Variants in RMDN1 observed in about 807,000 individuals in gnomAD.
RMDN1 encodes the protein regulator of microtubule dynamics protein 1.
RMDN1 carries 48 observed loss-of-function variants against 48.9 expected under a neutral mutation model. That is an observed-to-expected ratio of 0.98 (90% CI 0.78 to 1.25). The LOEUF (loss-of-function observed/expected upper bound fraction) is 1.25. Among genes scored for constraint, RMDN1 ranks in the 50% most tolerant of loss-of-function variants. The probability of loss-of-function intolerance (pLI) is 0.00; values close to 1 mark genes in which losing one functional copy is unlikely to be tolerated. For synonymous variants in RMDN1, 148 were observed against 132.6 expected (o/e 1.12, Z -0.80); for missense variants, 418 against 373.4 (o/e 1.12, Z -0.98).
At chr8:86,489,842 G>T (rs568345625) in intron 2 of RMDN1, among the ~76,000 whole-genome samples, 5 of 137,360 alleles carry the variant, frequency 3.6e-5, no homozygotes, top group South Asian at 2.4e-4. Flanking sequence ...AAAAAAAAAG[G>T]GGGGGGATGG....
intron 2 of RMDN1, chr8:86,504,124 G>A (rs1289629388): frequency 7.7e-6 from 9 of 1,174,292 alleles, no homozygotes; most frequent in Non-Finnish European, 1.2e-5. Flanking sequence ...CCTTGGGTCT[G>A]AAGAGCTATG....
chr8:86,481,560 C>CT (rs71275857), intron 5 of RMDN1, among the ~76,000 whole-genome samples: 1,308 of 104,408 alleles, frequency 0.013, 10 homozygotes, highest in African/African-American at 0.024. Context: ...ATTAATTTTC[C>CT]TTTTTTTTTT....
intron 2 of RMDN1, among the ~76,000 whole-genome samples, chr8:86,495,336 G>A (rs767663721): frequency 4.5e-4 from 68 of 152,260 alleles, no homozygotes; most frequent in Non-Finnish European, 7.5e-4. Context: ...CTAGCTGCAG[G>A]AGACCCTAAG....
At chr8:86,504,692 G>A (rs1217662583) in intron 2 of RMDN1, 1 of 884,876 alleles carries the variant, frequency 1.1e-6, no homozygotes. Flanking sequence ...GGGCTATCTT[G>A]GTCTTTGTGG....
Position 86,503,650 on chromosome 8 carries a change from C to G in RMDN1, c.247+3345G>C, listed in dbSNP as rs779113641. On this transcript the variant is annotated intron_variant, in intron 2 of 9. Coordinates refer to ENST00000406452, the MANE Select transcript of RMDN1 (RefSeq NM_016033.3). ...CTACAATTGGCTCTTTCCAAGTTGGCTACAACACGGGAGTCATCAGTGCTC... is the reference window on the plus strand; with the variant it reads ...CTACAATTGGCTCTTTCCAAGTTGGGTACAACACGGGAGTCATCAGTGCTC... The G allele has an allele frequency of 5.8e-5, 29 of 496,366 alleles. 1 individual carries two copies. The highest frequency in any genetic ancestry group is 1.1e-4 in the Non-Finnish European group (28 of 245,210). The allele number at this position is 496,366 out of a possible 1,614,324, so 30.7% of individuals were successfully genotyped here.
At chr8:86,488,960 A>C (rs1487577245) in intron 2 of RMDN1, among the ~76,000 whole-genome samples, 1 of 152,052 alleles carries the variant, frequency 6.6e-6, no homozygotes, top group Non-Finnish European at 1.5e-5. Context: ...AATTCCAAAA[A>C]CTCTCATAAT....
At position 86,480,283 on chromosome 8, in the gene RMDN1, C is replaced by A. The variant is rs747248422; in HGVS notation, c.635G>T (p.Gly212Val). 84 of 1,527,094 alleles carry A rather than the reference C, an allele frequency of 5.5e-5. No homozygotes were observed. The highest frequency in any genetic ancestry group is 1.8e-6 in the Non-Finnish European group (2 of 1,120,458). 94.6% of individuals were successfully genotyped at this position (1,527,094 alleles called of 1,614,324 possible). Residue 212 changes from glycine (G) to valine (V), a missense_variant, in exon 6 of 10, where the codon GGT becomes GTT. Coordinates refer to ENST00000406452, the MANE Select transcript of RMDN1 (RefSeq NM_016033.3). ...TTTAAAGAAATTTTCTTACCAAATA[C>A]CCATAAGGTGAATTGAAGTAGCATC... Reference protein sequence around the residue: ...PKDATSIHLMGIWCYTFAEMP... With the variant: ...PKDATSIHLMVIWCYTFAEMP...
At chr8:86,510,107 ATTG>A (rs1490291301), upstream of RMDN1, among the ~76,000 whole-genome samples, 2 of 152,178 alleles carry the variant, frequency 1.3e-5, no homozygotes, top group African/African-American at 4.8e-5. Context: ...AGATTCAGCC[ATTG>A]TTACCTTTTT....
At chr8:86,477,552 C>A (rs189800662) in intron 7 of RMDN1, 20 of 394,234 alleles carry the variant, frequency 5.1e-5, no homozygotes, top group Non-Finnish European at 8.7e-5. Flanking sequence ...AACTTGGTTG[C>A]TGTTTAGAAC....
intron 2 of RMDN1, chr8:86,504,311 A>C: frequency 6.3e-7 from 1 of 1,579,932 alleles, no homozygotes. Context: ...CAGGAGATGC[A>C]AGATGAGAGT....
At chr8:86,482,693 AG>A in intron 5 of RMDN1, 5 of 969,538 alleles carry the variant, frequency 5.2e-6, no homozygotes, top group Non-Finnish European at 8.4e-6. Flanking sequence ...TTCATGATCA[AG>A]GGGACCCCAG....
chr8:86,487,981 A>G (rs575571638), intron 3 of RMDN1, among the ~76,000 whole-genome samples: 424 of 83,976 alleles, frequency 5.0e-3, no homozygotes, highest in African/African-American at 0.014. Context: ...CTATTTAGCC[A>G]TATGACTTAC....
At chr8:86,482,832 G>A in intron 5 of RMDN1, 1 of 1,115,230 alleles carries the variant, frequency 9.0e-7, no homozygotes, top group Non-Finnish European at 1.4e-6. Context: ...CCTTTGGGGA[G>A]GTCACTGCGA....
intron 2 of RMDN1, among the ~76,000 whole-genome samples, chr8:86,505,647 AT>A (rs1426133131): frequency 2.0e-5 from 3 of 152,184 alleles, no homozygotes; most frequent in Non-Finnish European, 4.4e-5. Flanking sequence ...GGAAATGTTT[AT>A]TTTTTTAAGT....
intron 2 of RMDN1, among the ~76,000 whole-genome samples, chr8:86,496,426 C>T (rs945408403): frequency 6.6e-6 from 1 of 152,056 alleles, no homozygotes; most frequent in African/African-American, 2.4e-5. Flanking sequence ...ATGATGCCCA[C>T]AGGCTCAAAG....
At chr8:86,510,151 C>T (rs1470536783), upstream of RMDN1, among the ~76,000 whole-genome samples, 1 of 152,100 alleles carries the variant, frequency 6.6e-6, no homozygotes, top group African/African-American at 2.4e-5. Flanking sequence ...CTTTACATAT[C>T]TTACCTATAA....
chr8:86,477,538 T>C, intron 7 of RMDN1: 2 of 423,226 alleles, frequency 4.7e-6, no homozygotes, highest in Non-Finnish European at 8.5e-6. Flanking sequence ...CTACTTCTGG[T>C]AATAACTTGG....
chr8:86,514,342 TC>T, upstream of RMDN1: 1 of 818,758 alleles, frequency 1.2e-6, no homozygotes, highest in African/African-American at 1.8e-5. Flanking sequence ...CGGAGTCAGC[TC>T]CCTGCGGATG....
Position 86,488,573 on chromosome 8 carries a change from A to C in RMDN1, c.314T>G (p.Leu105Trp). 1 of 1,610,058 alleles carries C rather than the reference A, an allele frequency of 6.2e-7. No individual in the cohort carries two copies. Among genetic ancestry groups the C allele is most frequent in the Non-Finnish European group, 8.5e-7 (1 of 1,178,050 alleles). The change falls in exon 3 of 10, where the codon TTG (leucine) becomes TGG (tryptophan). Residue 105 changes from leucine (L) to tryptophan (W), a missense_variant. Coordinates refer to ENST00000406452, the MANE Select transcript of RMDN1 (RefSeq NM_016033.3). ...TTACCTTTCCTTGTATTGGGTTAGC[A>C]ACTGATAAAGTTTTTCTGTTTCTCC... is the stretch of plus-strand genomic sequence containing the variant. ...ESGETEKLYQ[L>W]LTQYKESEDA...
Sources: gnomAD v4.1 joint callset for allele counts (sites outside exome capture counted in the v4.1 genomes callset) on GRCh38, gnomAD v4.1.1 for gene constraint, MANE v1.5 for transcripts, NCBI Gene and HGNC (gene_info 2026-07-23, HGNC 2026-07-21) for gene names.